ITFG1: variants seen among roughly 807,000 people sequenced by gnomAD.
The protein encoded by ITFG1 is integrin alpha FG-GAP repeat containing 1, also known as T-cell immunomodulatory protein.
Under a neutral mutation model 81.8 loss-of-function variants are expected in ITFG1, and 34 were observed. The observed-to-expected ratio is 0.42, with a 90% CI of 0.32 to 0.55. The LOEUF is 0.55. ITFG1 is among the 20% of genes least tolerant of loss of function. The pLI, the probability that ITFG1 is intolerant of heterozygous loss-of-function variation, is 0.17. For missense variants in ITFG1, 672 were observed against 755.4 expected, an observed-to-expected ratio of 0.89 and a Z score of 1.29; for synonymous variants, 285 against 270.6, an observed-to-expected ratio of 1.05 and a Z score of -0.52.
intron 14 of ITFG1, among the ~76,000 whole-genome samples, chr16:47,211,172 CATTT>C (rs1178943157): frequency 3.3e-5 from 5 of 152,208 alleles, no homozygotes; most frequent in African/African-American, 7.2e-5. Context: ...CGTATCTCTT[CATTT>C]ATTTAGACGA....
intron 8 of ITFG1, among the ~76,000 whole-genome samples, chr16:47,365,309 T>A (rs1968162265): frequency 6.6e-6 from 1 of 152,222 alleles, no homozygotes; most frequent in Non-Finnish European, 1.5e-5. Context: ...GTGAACTTGA[T>A]TGTGCAGAAT....
At chr16:47,370,515 T>C (rs1362580093) in intron 7 of ITFG1, among the ~76,000 whole-genome samples, 2 of 152,210 alleles carry the variant, frequency 1.3e-5, no homozygotes, top group South Asian at 2.1e-4. Context: ...TCTCTGGTTG[T>C]CCACTGTAAC....
At chr16:47,321,206 T>C (rs930451297) in intron 8 of ITFG1, among the ~76,000 whole-genome samples, 4 of 152,134 alleles carry the variant, frequency 2.6e-5, no homozygotes, top group Admixed American at 2.6e-4. Context: ...AGGTTTTAAA[T>C]AGAATTCAAG....
intron 10 of ITFG1, among the ~76,000 whole-genome samples, chr16:47,271,134 C>T (rs2151546019): frequency 6.6e-6 from 1 of 152,152 alleles, no homozygotes; most frequent in East Asian, 1.9e-4. Context: ...ATAAACTTGA[C>T]ATCATCAAGT....
chr16:47,362,339 T>A (rs1968120075), intron 8 of ITFG1, among the ~76,000 whole-genome samples: 1 of 152,182 alleles, frequency 6.6e-6, no homozygotes, highest in Non-Finnish European at 1.5e-5. Context: ...TCCTCTGAAC[T>A]CCTACTGCAT....
At chr16:47,365,655 T>A (rs1407284586) in intron 8 of ITFG1, 133 bp downstream of exon 8, 17 of 571,772 alleles carry the variant, frequency 3.0e-5, no homozygotes, top group Admixed American at 6.0e-5. Context: ...GGAATAGGCA[T>A]CTTTTGAAGC....
chr16:47,382,540 G>A (rs1461404078), intron 6 of ITFG1, among the ~76,000 whole-genome samples: 3 of 151,138 alleles, frequency 2.0e-5, no homozygotes, highest in Non-Finnish European at 2.9e-5. Context: ...ACAGAGAGAC[G>A]CAGACACCAC....
chr16:47,415,816 G>A (rs919267539), intron 6 of ITFG1, among the ~76,000 whole-genome samples: 1 of 152,110 alleles, frequency 6.6e-6, no homozygotes, highest in African/African-American at 2.4e-5. Flanking sequence ...AAATCTTGCC[G>A]TGTGCAGTGG....
intron 8 of ITFG1, among the ~76,000 whole-genome samples, chr16:47,332,397 A>G (rs1476164238): frequency 6.6e-6 from 1 of 152,182 alleles, no homozygotes; most frequent in Non-Finnish European, 1.5e-5. Flanking sequence ...GGAATTCTAT[A>G]GCAGCTTTTA....
intron 12 of ITFG1, among the ~76,000 whole-genome samples, chr16:47,249,799 C>G (rs573804374): frequency 1.3e-5 from 2 of 152,188 alleles, no homozygotes; most frequent in Non-Finnish European, 2.9e-5. Flanking sequence ...AATTTGGCTT[C>G]TAGCATTGTG....
intron 5 of ITFG1, among the ~76,000 whole-genome samples, chr16:47,431,667 T>C (rs1969097707): frequency 6.6e-6 from 1 of 152,220 alleles, no homozygotes; most frequent in East Asian, 1.9e-4. Flanking sequence ...ACTTTATCAA[T>C]TATACACCTA....
At chr16:47,184,271 C>T (rs1055347270) in intron 14 of ITFG1, among the ~76,000 whole-genome samples, 3 of 152,060 alleles carry the variant, frequency 2.0e-5, no homozygotes, top group Non-Finnish European at 4.4e-5. Flanking sequence ...TCAGGAAATA[C>T]AGAGAACGCC....
intron 8 of ITFG1, among the ~76,000 whole-genome samples, chr16:47,325,362 T>A (rs1009240427): frequency 6.6e-5 from 10 of 150,812 alleles, no homozygotes; most frequent in South Asian, 6.3e-4. Flanking sequence ...AATGCCCACA[T>A]GAGAAAGCAG....
At chr16:47,419,985 T>A (rs1968924506) in intron 6 of ITFG1, among the ~76,000 whole-genome samples, 1 of 151,284 alleles carries the variant, frequency 6.6e-6, no homozygotes, top group Non-Finnish European at 1.5e-5. Flanking sequence ...CAGCTTTTGC[T>A]TTGCTGCCCA....
chr16:47,345,450 G>A (rs1445027960), intron 8 of ITFG1, among the ~76,000 whole-genome samples: 1 of 152,016 alleles, frequency 6.6e-6, no homozygotes, highest in East Asian at 1.9e-4. Context: ...ACAGATGCGT[G>A]CCACCACGCC....
chr16:47,425,182 A>G (rs1341233003), intron 6 of ITFG1, among the ~76,000 whole-genome samples: 1 of 152,186 alleles, frequency 6.6e-6, no homozygotes, highest in Non-Finnish European at 1.5e-5. Flanking sequence ...AAGCTGCAGC[A>G]TCGCAGGTTG....
intron 10 of ITFG1, among the ~76,000 whole-genome samples, chr16:47,296,077 T>TATTTC (rs1966977278): frequency 6.7e-6 from 1 of 150,182 alleles, no homozygotes; most frequent in Non-Finnish European, 1.5e-5. Context: ...GTTTTTATTT[T>TATTTC]ATTTTATTTT....
At chr16:47,179,118 C>A (rs1036567522) in intron 14 of ITFG1, among the ~76,000 whole-genome samples, 68 of 152,136 alleles carry the variant, frequency 4.5e-4, no homozygotes, top group Non-Finnish European at 9.1e-4. Flanking sequence ...AACACTTTTA[C>A]ACTGTTGGTG....
At chr16:47,414,275 CAGTTCTGGG>C (rs1275757263) in intron 6 of ITFG1, among the ~76,000 whole-genome samples, 1 of 150,284 alleles carries the variant, frequency 6.7e-6, no homozygotes, top group African/African-American at 2.4e-5. Context: ...TTTTTTATCC[CAGTTCTGGG>C]AGGCACAAGT....
Sources: allele counts gnomAD v4.1 joint callset (sites outside exome capture counted in the v4.1 genomes callset), GRCh38; gene constraint gnomAD v4.1.1; transcripts MANE v1.5; gene names NCBI Gene and HGNC (gene_info 2026-07-23, HGNC 2026-07-21).